DNAH12: variants seen among roughly 807,000 people sequenced by gnomAD.
The protein encoded by DNAH12 is dynein axonemal heavy chain 12, also known as axonemal beta dynein heavy chain 12.
DNAH12 carries 285 observed loss-of-function variants against 371.5 expected under a neutral mutation model. The observed-to-expected ratio is 0.77, with a 90% confidence interval of 0.70 to 0.85. DNAH12 has a LOEUF of 0.85. Ranked by LOEUF, DNAH12 falls within the 40% of genes least tolerant of loss-of-function variation. The probability of loss-of-function intolerance (pLI) is 0.00; values close to 1 mark genes in which losing one functional copy is unlikely to be tolerated. For synonymous variants in DNAH12, 1,200 were observed against 1,213.0 expected, an observed-to-expected ratio of 0.99 and a Z score of 0.22; for missense variants, 3,611 against 3,689.4, an observed-to-expected ratio of 0.98 and a Z score of 0.55.
At position 57,415,480 on chromosome 3, in the gene DNAH12, C is replaced by T. The variant is rs760266195; in HGVS notation, c.5799G>A (p.Gln1933=). 3.2e-5 allele frequency: 49 copies of T among 1,551,142 alleles called. No homozygotes were observed. The highest frequency in any genetic ancestry group is 1.2e-4 in the African/African-American group (9 of 73,008). The change falls in exon 38 of 74, where the codon CAG becomes CAA. Residue 1933 remains glutamine (Q), a synonymous_variant. Transcript: ENST00000495027. Reference sequence around the variant, plus strand: ...ATAAGTTAATATAAAAAGGAAAGTACTGGTCCTTTTCCAAGTGATTCATTA... The same window carrying T: ...ATAAGTTAATATAAAAAGGAAAGTATTGGTCCTTTTCCAAGTGATTCATTA... ...DKLMNHLEKD[Q]YFPFYINLSA...
intron 4 of DNAH12, among the ~76,000 whole-genome samples, chr3:57,518,469 T>C (rs1418919713): frequency 6.6e-6 from 1 of 152,018 alleles, no homozygotes; most frequent in Non-Finnish European, 1.5e-5. Context: ...GAGGGTGCAG[T>C]GAGCTTAGGT....
chr3:57,343,866 G>GA (rs2062469302), intron 60 of DNAH12, among the ~76,000 whole-genome samples: 1 of 152,150 alleles, frequency 6.6e-6, no homozygotes, highest in Non-Finnish European at 1.5e-5. Context: ...TTTGGGTGGA[G>GA]AAAAACATAA....
chr3:57,415,398 A>T, intron 38 of DNAH12, 28 bp downstream of exon 38: 2 of 1,541,526 alleles, frequency 1.3e-6, no homozygotes, highest in African/African-American at 1.4e-5. Flanking sequence ...AATTAACGAT[A>T]GACCCCCATT....
intron 14 of DNAH12, among the ~76,000 whole-genome samples, chr3:57,472,170 T>C (rs963996948): frequency 1.3e-5 from 2 of 152,234 alleles, no homozygotes; most frequent in African/African-American, 2.4e-5. Flanking sequence ...TTTATCACTG[T>C]GATATTGAAC....
At chr3:57,407,486 C>T (rs958226505) in intron 40 of DNAH12, among the ~76,000 whole-genome samples, 10 of 152,144 alleles carry the variant, frequency 6.6e-5, no homozygotes, top group South Asian at 2.1e-4. Context: ...CACACACTTT[C>T]CACTGAAACA....
Position 57,470,518 on chromosome 3 carries a change from T to A in DNAH12, c.2030A>T (p.Asp677Val), listed in dbSNP as rs1025232388. 2 of 1,550,082 alleles carry A rather than the reference T, an allele frequency of 1.3e-6. No homozygotes were observed. Among genetic ancestry groups the A allele is most frequent in the Non-Finnish European group, 1.7e-6 (2 of 1,146,644 alleles). The change falls in exon 16 of 74, where the codon GAT becomes GTT. Residue 677 changes from aspartate to valine, a missense_variant. Asp to Val is a radical substitution (Grantham distance 152). Around this residue, in one of 3 missense-constraint regions of DNAH12, gnomAD observed 1,314 missense variants for 1,398.7 expected, o/e 0.94. Transcript: ENST00000495027. ...KWELTKYPEL[D>V]KLKVNIEPYQ... ...GGGCTCAATGTTAACTTTTAATTTA[T>A]CCAGTTCAGGATATTTTGTCAATTC...
Position 57,504,101 on chromosome 3 carries a change from T to C in DNAH12, c.1001A>G (p.Asp334Gly), listed in dbSNP as rs756386754. ...PIFKIELTFD[D>G]DKMEFYPTFQ... The stretch of plus-strand genomic sequence containing the variant: ...GGTAGGATAAAATTCCATTTTGTCG[T>C]CATCAAATGTCAATTCTATCTTAAA... Residue 334 changes from aspartate to glycine, a missense_variant, in exon 9 of 74, where the codon GAC becomes GGC. By Grantham distance (94) the Asp-to-Gly change is moderately conservative. This residue lies in a region of DNAH12 where 1,314 missense variants were observed against 1,398.7 expected (regional missense o/e 0.94). Coordinates refer to ENST00000495027, the MANE Select transcript of DNAH12 (RefSeq NM_001366028.2). 8 of 1,614,016 alleles carry C rather than the reference T, an allele frequency of 5.0e-6. No homozygotes were observed. The South Asian group carries it at 8.8e-5, about 18-fold the overall frequency.
At chr3:57,503,813 A>G (rs2067647317) in intron 9 of DNAH12, among the ~76,000 whole-genome samples, 1 of 152,210 alleles carries the variant, frequency 6.6e-6, no homozygotes, top group African/African-American at 2.4e-5. Flanking sequence ...AAATCAATTC[A>G]TAGCTACAAG....
intron 22 of DNAH12, among the ~76,000 whole-genome samples, chr3:57,455,321 T>C (rs930299641): frequency 2.6e-5 from 4 of 151,836 alleles, no homozygotes; most frequent in African/African-American, 9.7e-5. Context: ...TCCCAGCACT[T>C]TGGGAGGCCG....
intron 30 of DNAH12, among the ~76,000 whole-genome samples, chr3:57,436,200 AACTT>A (rs1042691001): frequency 6.6e-6 from 1 of 152,068 alleles, no homozygotes; most frequent in African/African-American, 2.4e-5. Context: ...ACACACACAT[AACTT>A]ACTTATATAA....
chr3:57,494,267 C>T (rs960943286), intron 11 of DNAH12, among the ~76,000 whole-genome samples: 1 of 151,264 alleles, frequency 6.6e-6, no homozygotes, highest in Non-Finnish European at 1.5e-5. Context: ...ATGTGTACTA[C>T]ATTGGCTGGG....
intron 34 of DNAH12, among the ~76,000 whole-genome samples, chr3:57,426,467 C>T (rs762263740): frequency 2.0e-5 from 3 of 151,580 alleles, no homozygotes; most frequent in Non-Finnish European, 4.4e-5. Flanking sequence ...AAGGGTGGGG[C>T]GAGGAGGTGG....
At chr3:57,431,549 A>C (rs1050600507) in intron 32 of DNAH12, among the ~76,000 whole-genome samples, 2 of 152,080 alleles carry the variant, frequency 1.3e-5, no homozygotes, top group African/African-American at 4.8e-5. Flanking sequence ...TTTTCCCAAT[A>C]TTTTCACATC....
At chr3:57,516,727 T>C (rs1489240931) in intron 4 of DNAH12, among the ~76,000 whole-genome samples, 1 of 152,352 alleles carries the variant, frequency 6.6e-6, no homozygotes, top group South Asian at 2.1e-4. Flanking sequence ...GTTCTTCCTT[T>C]ATACTTTTGC....
intron 65 of DNAH12, among the ~76,000 whole-genome samples, chr3:57,320,684 C>T (rs7620538): frequency 0.32 from 48,937 of 151,970 alleles, 8,726 homozygotes; most frequent in African/African-American, 0.46. Flanking sequence ...GCCACATCAA[C>T]ATCACCAGGG....
chr3:57,482,121 A>C (rs910009484), intron 13 of DNAH12, among the ~76,000 whole-genome samples: 2 of 152,238 alleles, frequency 1.3e-5, no homozygotes, highest in Non-Finnish European at 2.9e-5. Flanking sequence ...AACTACCATC[A>C]GAGTGAACAG....
intron 59 of DNAH12, among the ~76,000 whole-genome samples, chr3:57,352,609 C>T (rs1489075062): frequency 6.6e-6 from 1 of 151,492 alleles, no homozygotes; most frequent in Non-Finnish European, 1.5e-5. Context: ...TTTCCAAATC[C>T]TAAATATCTT....
At chr3:57,470,215 A>G (rs2066327294) in intron 16 of DNAH12, among the ~76,000 whole-genome samples, 1 of 152,138 alleles carries the variant, frequency 6.6e-6, no homozygotes, top group African/African-American at 2.4e-5. Context: ...ATGAGCATGA[A>G]AATCCAATCA....
chr3:57,403,164 C>A (rs1172162456), intron 43 of DNAH12, 145 bp downstream of exon 43: 1 of 808,506 alleles, frequency 1.2e-6, no homozygotes, highest in African/African-American at 1.8e-5. Flanking sequence ...CAGAACTCAA[C>A]ACACACAGTA....
Sources: allele counts gnomAD v4.1 joint callset (sites outside exome capture counted in the v4.1 genomes callset), GRCh38; gene constraint gnomAD v4.1.1; regional missense constraint gnomAD v4.1.1; transcripts MANE v1.5; gene names NCBI Gene and HGNC (gene_info 2026-07-23, HGNC 2026-07-21).